Variants in FAP observed in about 807,000 individuals in gnomAD.
FAP encodes the protein fibroblast activation protein alpha, also known as prolyl endopeptidase FAP.
In FAP, 110 loss-of-function variants were observed where a neutral mutation model predicts 126.5. The observed-to-expected ratio is 0.87, with a 90% CI of 0.74 to 1.02. The LOEUF (loss-of-function observed/expected upper bound fraction) is 1.02, where lower values mean the gene tolerates loss of function less well. Ranked by LOEUF, FAP falls within the 50% of genes least tolerant of loss-of-function variation. The pLI is 0.00. For missense variants in FAP, 919 were observed against 909.2 expected (o/e 1.01, Z -0.14); for synonymous variants, 334 against 297.3 (o/e 1.12, Z -1.27).
At position 162,198,792 on chromosome 2, in the gene FAP, C is replaced by T. The variant is rs1408780435; in HGVS notation, c.1367G>A (p.Ser456Asn). Reference sequence around the variant, plus strand: ...AAGTGCATAGTACTTGGCGTAGTCGCTGAAACTTGCTGTGTAATATTGGCA... The same window carrying T: ...AAGTGCATAGTACTTGGCGTAGTCGTTGAAACTTGCTGTGTAATATTGGCA... Reference protein sequence around the residue: ...ERCQYYTASFSDYAKYYALVC... With the variant: ...ERCQYYTASFNDYAKYYALVC... Residue 456 changes from serine (S) to asparagine (N), a missense_variant, in exon 16 of 26, where the codon AGC (serine) becomes AAC (asparagine). Transcript: ENST00000188790. The T allele has an allele frequency of 6.2e-7, 1 of 1,614,118 alleles. No homozygotes were observed. The highest frequency in any genetic ancestry group is 8.5e-7 in the Non-Finnish European group (1 of 1,179,984).
chr2:162,194,560 CAAT>C, intron 17 of FAP, 138 bp downstream of exon 17: 1 of 696,322 alleles, frequency 1.4e-6, no homozygotes, highest in Non-Finnish European at 2.5e-6. Context: ...CAAATCTGTG[CAAT>C]AATAAGTGAT....
chr2:162,227,778 C>G (rs1307203822), intron 2 of FAP, among the ~76,000 whole-genome samples: 3 of 152,166 alleles, frequency 2.0e-5, no homozygotes, highest in Admixed American at 2.0e-4. Context: ...TTTCTAGCCA[C>G]TAACAAGCCA....
chr2:162,190,924 A>G (rs1688019866), intron 17 of FAP, among the ~76,000 whole-genome samples: 3 of 152,168 alleles, frequency 2.0e-5, no homozygotes, highest in African/African-American at 7.2e-5. Context: ...TGTTTTGGGT[A>G]TGATTTGTAT....
intron 17 of FAP, 41 bp downstream of exon 17, chr2:162,194,660 G>A (rs1462073097): frequency 6.3e-7 from 1 of 1,586,132 alleles, no homozygotes; most frequent in South Asian, 1.1e-5. Context: ...GAGAGTTCAG[G>A]ATTACTTGAG....
At chr2:162,200,544 A>T (rs776657264) in intron 15 of FAP, 22 bp downstream of exon 15, 1 of 1,374,024 alleles carries the variant, frequency 7.3e-7, no homozygotes, top group East Asian at 2.3e-5. Flanking sequence ...TAGAAATACC[A>T]GAATGAATGG....
chr2:162,172,800 A>T lies in FAP; in HGVS notation c.2181+11T>A. On this transcript the variant is annotated intron_variant, in intron 25 of 25. Coordinates refer to ENST00000188790, the MANE Select transcript of FAP (RefSeq NM_004460.5). ...TAAGGCCATGAACATGAGTAAAACA[A>T]AATTATGTACCATTGCCTGGAAATC... 2.5e-6 allele frequency: 4 copies of T among 1,606,256 alleles called. No individual in the cohort carries two copies. Among genetic ancestry groups the T allele is most frequent in the Non-Finnish European group, 3.4e-6 (4 of 1,173,308 alleles).
At chr2:162,180,751 A>G (rs936306035) in intron 21 of FAP, among the ~76,000 whole-genome samples, 1 of 152,216 alleles carries the variant, frequency 6.6e-6, no homozygotes, top group Non-Finnish European at 1.5e-5. Flanking sequence ...GTTTTAAAAT[A>G]GGCTTTAACA....
chr2:162,213,958 G>T lies in FAP; in HGVS notation c.982C>A (p.Gln328Lys). The T allele has an allele frequency of 1.2e-6, 2 of 1,613,390 alleles. No homozygotes were observed. The highest frequency in any genetic ancestry group is 1.7e-6 in the Non-Finnish European group (2 of 1,179,626). Residue 328 changes from glutamine to lysine, a missense_variant, in exon 11 of 26, where the codon CAG becomes AAG. Physicochemically the swap from Gln to Lys is moderately conservative, Grantham distance 53. Transcript: ENST00000188790. ...CCTACCTTTGGACAATCCCATGTCTGCCAGTCTTCCCTGAAGTCACATATA... is the reference window on the plus strand; with the variant it reads ...CCTACCTTTGGACAATCCCATGTCTTCCAGTCTTCCCTGAAGTCACATATA... ...LSICDFREDW[Q>K]TWDCPKTQEH...
Position 162,178,009 on chromosome 2 carries a change from C to T in FAP, c.1870-3043G>A, listed in dbSNP as rs561891342. Among the ~76,000 whole-genome samples, 3 of 152,292 alleles carry T rather than the reference C, an allele frequency of 2.0e-5. No homozygotes were observed. In the East Asian group the frequency reaches 5.8e-4, roughly 29 times the overall value. ...GGACTCAAACTCAGGACACTTGTCT[C>T]AGCAACCCATGCCCCTTCCTCTGTA... On this transcript the variant is annotated intron_variant, in intron 21 of 25. Transcript: ENST00000188790.
intron 21 of FAP, among the ~76,000 whole-genome samples, chr2:162,179,813 T>TA (rs1491511294): frequency 0.012 from 1,243 of 99,934 alleles, 25 homozygotes; most frequent in African/African-American, 0.034. Context: ...TATATATATA[T>TA]TTTTTTTTTT....
chr2:162,195,363 G>A lies in FAP; in HGVS notation c.1403-615C>T, dbSNP rs77097786. Among the ~76,000 whole-genome samples, 644 of 152,128 alleles carry A rather than the reference G, an allele frequency of 4.2e-3. 4 individuals carry two copies. The highest frequency in any genetic ancestry group is 4.9e-3 in the Non-Finnish European group (330 of 67,978). ...AGGAAGAATAGGGCAGGGAAGAAAG[G>A]TGGATGTCATTGCTGTCACATAGAG... On this transcript the variant is annotated intron_variant, in intron 16 of 25. Transcript: ENST00000188790.
Position 162,225,468 on chromosome 2 carries a change from A to G in FAP, c.285+15T>C. ...GCAAAGGTTTCTGAGGGGGAAGATGATGTTGGATACATACCATGGTTCTAT... is the reference window on the plus strand; with the variant it reads ...GCAAAGGTTTCTGAGGGGGAAGATGGTGTTGGATACATACCATGGTTCTAT... On this transcript the variant is annotated intron_variant, in intron 4 of 25. Coordinates refer to ENST00000188790, the MANE Select transcript of FAP (RefSeq NM_004460.5). 1 of 1,591,678 alleles carries G rather than the reference A, an allele frequency of 6.3e-7. No individual in the cohort carries two copies. Among genetic ancestry groups the G allele is most frequent in the Non-Finnish European group, 8.6e-7 (1 of 1,168,394 alleles).
At chr2:162,216,795 G>A (rs1202042519) in intron 9 of FAP, among the ~76,000 whole-genome samples, 8 of 152,092 alleles carry the variant, frequency 5.3e-5, no homozygotes, top group East Asian at 1.9e-4. Flanking sequence ...TAGGACCTCC[G>A]TTTCACTCCC....
At chr2:162,196,422 T>A (rs1440739089) in intron 16 of FAP, among the ~76,000 whole-genome samples, 1 of 151,948 alleles carries the variant, frequency 6.6e-6, no homozygotes, top group East Asian at 1.9e-4. Context: ...TGCAAAGAAA[T>A]GAGACATGAA....
rs563166515 is a variant in FAP, at chr2:162,196,854, A to G, written c.1402+1903T>C. ...GACGATGTGATGCTTCCCACACAGT[A>G]TATTTTTTGCTAAATGGGAAATTAC... On this transcript the variant is annotated intron_variant, in intron 16 of 25. Coordinates refer to ENST00000188790, the MANE Select transcript of FAP (RefSeq NM_004460.5). Among the ~76,000 whole-genome samples, 5 of 152,274 alleles carry G rather than the reference A, an allele frequency of 3.3e-5. No individual in the cohort carries two copies. In the South Asian group the frequency reaches 6.2e-4, roughly 19 times the overall value.
chr2:162,199,140 C>T (rs1688389524), intron 15 of FAP, among the ~76,000 whole-genome samples: 1 of 152,064 alleles, frequency 6.6e-6, no homozygotes, highest in African/African-American at 2.4e-5. Context: ...TATCTAACAC[C>T]TCAAATGGCA....
Position 162,170,803 on chromosome 2 carries a change from A to C in FAP, c.*176T>G. ...CTTTCACAGAGTACCAGAAAATGTAAACAATATTTAGCTTGAACTTCTGAG... is the reference window on the plus strand; with the variant it reads ...CTTTCACAGAGTACCAGAAAATGTACACAATATTTAGCTTGAACTTCTGAG... On this transcript the variant is annotated 3_prime_UTR_variant, in exon 26 of 26. Coordinates refer to ENST00000188790, the MANE Select transcript of FAP (RefSeq NM_004460.5). 1.8e-6 allele frequency: 1 copy of C among 555,534 alleles called. No individual in the cohort carries two copies. The highest frequency in any genetic ancestry group is 3.2e-5 in the Admixed American group (1 of 30,854). The allele number at this position is 555,534 out of a possible 1,614,324, so 34.4% of individuals were successfully genotyped here.
chr2:162,170,856 G>T lies in FAP; in HGVS notation c.*123C>A. The stretch of plus-strand genomic sequence containing the variant: ...CTCATCTTTTTTTTAACAGCCTTTA[G>T]AACAACATTAATTTGTTTGTTTATA... On this transcript the variant is annotated 3_prime_UTR_variant, in exon 26 of 26. Transcript: ENST00000188790. 2.9e-6 allele frequency: 2 copies of T among 691,832 alleles called. No individual in the cohort carries two copies. Among genetic ancestry groups the T allele is most frequent in the South Asian group, 2.1e-5 (1 of 48,390 alleles). The allele number at this position is 691,832 out of a possible 1,614,324, so 42.9% of individuals were successfully genotyped here.
chr2:162,237,610 AT>A (rs1394519850), intron 2 of FAP, among the ~76,000 whole-genome samples: 1 of 152,220 alleles, frequency 6.6e-6, no homozygotes, highest in Non-Finnish European at 1.5e-5. Context: ...ATTGATGGGC[AT>A]TTGGGTTGGT....
Sources: allele counts gnomAD v4.1 joint callset (sites outside exome capture counted in the v4.1 genomes callset), GRCh38; gene constraint gnomAD v4.1.1; transcripts MANE v1.5; gene names NCBI Gene and HGNC (gene_info 2026-07-23, HGNC 2026-07-21).